Variants in SVEP1 observed in about 807,000 individuals in gnomAD.
The protein encoded by SVEP1 is sushi, von Willebrand factor type A, EGF and pentraxin domain-containing protein 1.
SVEP1 carries 164 observed loss-of-function variants against 367.3 expected under a neutral mutation model. The ratio of observed to expected loss-of-function variants is 0.45; its 90% CI spans 0.39 to 0.51. The LOEUF (loss-of-function observed/expected upper bound fraction) is 0.51. SVEP1 is among the 20% of genes least tolerant of loss of function. The probability of loss-of-function intolerance (pLI) is 0.00; values close to 1 mark genes in which losing one functional copy is unlikely to be tolerated. For missense variants in SVEP1, 4,117 were observed against 4,425.3 expected (o/e 0.93, Z 1.98); for synonymous variants, 1,666 against 1,611.6 (o/e 1.03, Z -0.81).
chr9:110,555,738 A>C (rs1588107083), intron 1 of SVEP1, among the ~76,000 whole-genome samples: 2 of 152,096 alleles, frequency 1.3e-5, no homozygotes, highest in African/African-American at 4.8e-5. Flanking sequence ...CAAGCAAAGA[A>C]TTACACAAGA....
intron 40 of SVEP1, among the ~76,000 whole-genome samples, chr9:110,398,188 C>T (rs1442896538): frequency 3.9e-5 from 6 of 152,050 alleles, no homozygotes; most frequent in Admixed American, 2.0e-4. Context: ...AATTATGCTG[C>T]ATATCTACAA....
chr9:110,472,048 A>C (rs1829026692), intron 15 of SVEP1, 111 bp downstream of exon 15: 8 of 1,136,552 alleles, frequency 7.0e-6, no homozygotes, highest in Admixed American at 4.9e-5. Context: ...CCTAATTCTC[A>C]ATTCCAGAGT....
intron 27 of SVEP1, among the ~76,000 whole-genome samples, chr9:110,441,680 C>G (rs1487533131): frequency 6.6e-6 from 1 of 152,208 alleles, no homozygotes; most frequent in Non-Finnish European, 1.5e-5. Context: ...AAGTTTCCCT[C>G]CCAGGAGAAG....
At chr9:110,558,981 A>G (rs964414144) in intron 1 of SVEP1, among the ~76,000 whole-genome samples, 56 of 152,252 alleles carry the variant, frequency 3.7e-4, no homozygotes, top group Middle Eastern at 6.8e-3. Flanking sequence ...AATATGCTGA[A>G]AAGACATTCA....
Position 110,388,003 on chromosome 9 carries a change from C to T in SVEP1, c.9887-545G>A, listed in dbSNP as rs1216729670. 2.0e-5 allele frequency among the ~76,000 whole-genome samples: 3 copies of T among 152,088 alleles called. No homozygotes were observed. The East Asian group carries it at 5.8e-4, about 29-fold the overall frequency. On this transcript the variant is annotated intron_variant, in intron 41 of 47. Coordinates refer to ENST00000374469, the MANE Select transcript of SVEP1 (RefSeq NM_153366.4). ...TCCTGTATTTTTGTTTCTTCTAAATCTGGCAACCTTACTTATAGCAACTCT... is the reference window on the plus strand; with the variant it reads ...TCCTGTATTTTTGTTTCTTCTAAATTTGGCAACCTTACTTATAGCAACTCT...
chr9:110,519,656 T>C (rs748300975), intron 3 of SVEP1, among the ~76,000 whole-genome samples: 1 of 152,162 alleles, frequency 6.6e-6, no homozygotes, highest in African/African-American at 2.4e-5. Context: ...TCCAGCCAAT[T>C]GCCTGAGCTG....
intron 3 of SVEP1, among the ~76,000 whole-genome samples, chr9:110,541,532 G>A (rs890792067): frequency 1.3e-5 from 2 of 151,902 alleles, no homozygotes; most frequent in South Asian, 2.1e-4. Flanking sequence ...TAAGATATAC[G>A]GTTGTCACTT....
intron 3 of SVEP1, among the ~76,000 whole-genome samples, chr9:110,521,001 G>A (rs2118791924): frequency 6.6e-6 from 1 of 152,136 alleles, no homozygotes; most frequent in South Asian, 2.1e-4. Context: ...GCAAAATCTG[G>A]GCCCGCATTC....
At chr9:110,426,380 T>C (rs1828253524) in intron 36 of SVEP1, among the ~76,000 whole-genome samples, 2 of 151,694 alleles carry the variant, frequency 1.3e-5, no homozygotes, top group African/African-American at 4.8e-5. Flanking sequence ...GTTCATTGAT[T>C]TTTTTTTTCT....
intron 1 of SVEP1, among the ~76,000 whole-genome samples, chr9:110,550,889 G>A (rs146260425): frequency 6.1e-4 from 93 of 152,142 alleles, no homozygotes; most frequent in African/African-American, 2.2e-3. Context: ...TTTATATATT[G>A]CCATTGATGC....
At chr9:110,405,090 T>C (rs1827935264) in intron 38 of SVEP1, among the ~76,000 whole-genome samples, 1 of 152,148 alleles carries the variant, frequency 6.6e-6, no homozygotes, top group Non-Finnish European at 1.5e-5. Context: ...CATGAAAAGT[T>C]AATCAAGACT....
At chr9:110,490,399 C>G (rs1829350121) in intron 8 of SVEP1, among the ~76,000 whole-genome samples, 1 of 152,074 alleles carries the variant, frequency 6.6e-6, no homozygotes, top group South Asian at 2.1e-4. Flanking sequence ...CTATGGTCAC[C>G]CTACTGATCT....
chr9:110,450,937 T>A (rs760645151), intron 23 of SVEP1, among the ~76,000 whole-genome samples: 26 of 152,210 alleles, frequency 1.7e-4, no homozygotes, highest in Non-Finnish European at 2.9e-4. Flanking sequence ...TTGGATTTAC[T>A]CTTTAGAAAT....
In SVEP1 at chr9:110,459,461, G is replaced by A. The variant is rs534463096; in HGVS notation, c.3323-348C>T. ...ATGTTGCATCTCATTGACAGACCAT[G>A]ATTGAGCTAACTTTTCTACTATTGG... is the stretch of plus-strand genomic sequence containing the variant. On this transcript the variant is annotated intron_variant, in intron 18 of 47. Transcript: ENST00000374469. 3.5e-4 allele frequency among the ~76,000 whole-genome samples: 53 copies of A among 152,272 alleles called. 1 individual carries two copies. In the South Asian group the frequency reaches 0.011, roughly 31 times the overall value.
At chr9:110,500,568 G>T (rs915915746) in intron 6 of SVEP1, among the ~76,000 whole-genome samples, 4 of 152,028 alleles carry the variant, frequency 2.6e-5, no homozygotes, top group African/African-American at 9.7e-5. Flanking sequence ...TCTCTTCCAG[G>T]TTGTAATGGT....
At chr9:110,413,803 A>G (rs1012071682) in intron 36 of SVEP1, among the ~76,000 whole-genome samples, 1 of 152,056 alleles carries the variant, frequency 6.6e-6, no homozygotes, top group African/African-American at 2.4e-5. Flanking sequence ...ACTGAACAGA[A>G]AATTGATGGA....
At chr9:110,576,579 TAAAAAGAG>T (rs934888657) in intron 1 of SVEP1, among the ~76,000 whole-genome samples, 54 of 151,882 alleles carry the variant, frequency 3.6e-4, no homozygotes, top group African/African-American at 1.3e-3. Flanking sequence ...AAAATATATA[TAAAAAGAG>T]AAAAAAAGAA....
intron 26 of SVEP1, among the ~76,000 whole-genome samples, chr9:110,444,162 T>C (rs1198306547): frequency 6.6e-6 from 1 of 152,184 alleles, no homozygotes; most frequent in Non-Finnish European, 1.5e-5. Flanking sequence ...AAACAAACAA[T>C]TAGTCTGTTT....
At chr9:110,372,608 AGATTATTGT>A (rs1383056842) in intron 46 of SVEP1, among the ~76,000 whole-genome samples, 2 of 152,370 alleles carry the variant, frequency 1.3e-5, no homozygotes, top group African/African-American at 4.8e-5. Flanking sequence ...GTTAGAAAGT[AGATTATTGT>A]GATATTGAAC....
Sources: allele counts gnomAD v4.1 joint callset (sites outside exome capture counted in the v4.1 genomes callset), GRCh38; gene constraint gnomAD v4.1.1; transcripts MANE v1.5; gene names NCBI Gene and HGNC (gene_info 2026-07-23, HGNC 2026-07-21).